CHIC2: variants seen among roughly 807,000 people sequenced by gnomAD.
CHIC2 encodes cysteine rich hydrophobic domain 2, also known as cysteine-rich hydrophobic domain-containing protein 2.
CHIC2 carries 14 observed loss-of-function variants against 25.9 expected under a neutral mutation model. The observed-to-expected ratio is 0.54, with a 90% CI of 0.36 to 0.85. The LOEUF is 0.85. Ranked by LOEUF, CHIC2 falls within the 40% of genes least tolerant of loss-of-function variation. The probability of loss-of-function intolerance (pLI) is 0.01; values close to 1 mark genes in which losing one functional copy is unlikely to be tolerated. For synonymous variants in CHIC2, 70 were observed against 72.0 expected (o/e 0.97, Z 0.14); for missense variants, 146 against 202.0 (o/e 0.72, Z 1.68).
At chr4:54,037,219 C>T (rs548156804) in intron 3 of CHIC2, among the ~76,000 whole-genome samples, 98 of 151,908 alleles carry the variant, frequency 6.5e-4, no homozygotes, top group African/African-American at 2.2e-3. Context: ...AGTGGTGATG[C>T]GCACCTGTGG....
intron 3 of CHIC2, among the ~76,000 whole-genome samples, chr4:54,048,304 T>A (rs1265101202): frequency 6.6e-6 from 1 of 152,190 alleles, no homozygotes; most frequent in African/African-American, 2.4e-5. Flanking sequence ...TTTTTTATTA[T>A]AAGCAGTCAA....
At chr4:54,010,171 T>G (rs546604339) in intron 5 of CHIC2, 26 bp from the exon 6 acceptor site, 36 of 1,528,334 alleles carry the variant, frequency 2.4e-5, no homozygotes, top group Non-Finnish European at 3.2e-5. Flanking sequence ...AAAAAGGTTT[T>G]AAAAGATTTA....
At chr4:54,073,308 C>T in the CHIC2 span, among the ~76,000 whole-genome samples, 1 of 152,188 alleles carries the variant, frequency 6.6e-6, no homozygotes, top group South Asian at 2.1e-4. Flanking sequence ...CTGAGAGACT[C>T]ATCAACTTGT....
At chr4:54,053,161 AT>A (rs1345552566) in intron 1 of CHIC2, among the ~76,000 whole-genome samples, 2 of 152,220 alleles carry the variant, frequency 1.3e-5, no homozygotes, top group Non-Finnish European at 2.9e-5. Context: ...GAAGAAGAAA[AT>A]TCAATATACC....
Position 54,064,565 on chromosome 4 carries a change from A to ACGCCGCTGCCGC in CHIC2, c.-277_-266dup. The ACGCCGCTGCCGC allele has an allele frequency of 2.4e-6, 3 of 1,276,130 alleles. No homozygotes were observed. The highest frequency in any genetic ancestry group is 2.0e-6 in the Non-Finnish European group (2 of 1,011,710). The allele number at this position is 1,276,130 out of a possible 1,614,324, so 79.1% of individuals were successfully genotyped here. On this transcript the variant is annotated 5_prime_UTR_variant, in exon 1 of 6. Coordinates refer to ENST00000263921, the MANE Select transcript of CHIC2 (RefSeq NM_012110.4). This position sits in a 1 kb window ranked among gnomAD's most constrained non-coding sequence, Gnocchi z 4.2. The stretch of plus-strand genomic sequence containing the variant: ...GAGGCCGACACCTCCACAAGCACAG[A>ACGCCGCTGCCGC]CGCCGCTGCCGCCGCCGCAGCAGCA...
In CHIC2 at chr4:54,064,099, A is replaced by G; in HGVS notation, c.119+83T>C. On this transcript the variant is annotated intron_variant, in intron 1 of 5. Transcript: ENST00000263921. The surrounding 1 kb of genome is among the most constrained non-coding windows in gnomAD (Gnocchi z 4.2). Reference sequence around the variant, plus strand: ...TCGGAAGGCCCCCGACACCAGACGGACACAGGGGAAACGGGGCTCCCGTGG... The same window carrying G: ...TCGGAAGGCCCCCGACACCAGACGGGCACAGGGGAAACGGGGCTCCCGTGG... The G allele has an allele frequency of 8.7e-7, 1 of 1,150,834 alleles. No homozygotes were observed. Among genetic ancestry groups the G allele is most frequent in the Non-Finnish European group, 1.2e-6 (1 of 806,922 alleles). The allele number at this position is 1,150,834 out of a possible 1,614,324, so 71.3% of individuals were successfully genotyped here. A position where few individuals can be genotyped will look rare whatever the true frequency, so the allele number is the denominator to read the frequency against.
chr4:54,013,746 T>G, intron 5 of CHIC2, 91 bp downstream of exon 5: 1 of 1,335,790 alleles, frequency 7.5e-7, no homozygotes, highest in East Asian at 2.3e-5. Flanking sequence ...CCTGACACCT[T>G]TGCTGATTAA....
At chr4:54,010,493 G>A (rs1440896997) in intron 5 of CHIC2, among the ~76,000 whole-genome samples, 1 of 152,080 alleles carries the variant, frequency 6.6e-6, no homozygotes, top group Non-Finnish European at 1.5e-5. Context: ...CATGAGAAAA[G>A]AGGCTAGTAT....
At chr4:54,067,207 G>C (rs908638091), upstream of CHIC2, among the ~76,000 whole-genome samples, 1 of 152,168 alleles carries the variant, frequency 6.6e-6, no homozygotes, top group Non-Finnish European at 1.5e-5. Context: ...ATTCAACAGA[G>C]AGATCTTTGT....
In CHIC2 at chr4:54,016,939, T is replaced by C. The variant is rs1715757065; in HGVS notation, c.331-2820A>G. Among the ~76,000 whole-genome samples, 5 of 151,954 alleles carry C rather than the reference T, an allele frequency of 3.3e-5. 1 individual carries two copies. In the South Asian group the frequency reaches 1.0e-3, roughly 31 times the overall value. On this transcript the variant is annotated intron_variant, in intron 3 of 5. Coordinates refer to ENST00000263921, the MANE Select transcript of CHIC2 (RefSeq NM_012110.4). ...AAAAAAGGTTGAGCTACTGAGAATG[T>C]TTAATACTATGCAATTATTGTTAGT...
At chr4:54,046,539 G>A (rs557458511) in intron 3 of CHIC2, among the ~76,000 whole-genome samples, 1 of 152,264 alleles carries the variant, frequency 6.6e-6, no homozygotes, top group South Asian at 2.1e-4. Flanking sequence ...ACAAAAACAA[G>A]AAATGGGGAA....
intron 3 of CHIC2, among the ~76,000 whole-genome samples, chr4:54,038,656 A>G (rs1716467542): frequency 6.6e-6 from 1 of 152,200 alleles, no homozygotes; most frequent in African/African-American, 2.4e-5. Context: ...AGAAATTAGA[A>G]CAGCCAAAAC....
chr4:54,045,948 A>G (rs1716771662), intron 3 of CHIC2, among the ~76,000 whole-genome samples: 1 of 152,228 alleles, frequency 6.6e-6, no homozygotes, highest in African/African-American at 2.4e-5. Flanking sequence ...CAACTTCAGC[A>G]AAGTCTCAGG....
intron 3 of CHIC2, among the ~76,000 whole-genome samples, chr4:54,029,462 T>C (rs1021391730): frequency 2.0e-5 from 3 of 152,182 alleles, no homozygotes; most frequent in Non-Finnish European, 2.9e-5. Context: ...GCAAATTGAA[T>C]AGCATTCTAA....
At position 54,009,970 on chromosome 4, in the gene CHIC2, AC is replaced by A; in HGVS notation, c.*124del. On this transcript the variant is annotated 3_prime_UTR_variant, in exon 6 of 6. Transcript: ENST00000263921. Reference sequence around the variant, plus strand: ...GCGGTTATTTAAAAAAAAAACAAAAACAAAAACAAAAAAAACACCACACGAT... The same window carrying A: ...GCGGTTATTTAAAAAAAAAACAAAAAAAAAACAAAAAAAACACCACACGAT... The A allele has an allele frequency of 7.6e-5, 44 of 579,182 alleles. No individual in the cohort carries two copies. Among genetic ancestry groups the A allele is most frequent in the South Asian group, 3.9e-4 (13 of 33,306 alleles). The allele number at this position is 579,182 out of a possible 1,614,324, so 35.9% of individuals were successfully genotyped here.
intron 3 of CHIC2, among the ~76,000 whole-genome samples, chr4:54,020,244 G>A (rs374758383): frequency 3.9e-5 from 6 of 152,098 alleles, no homozygotes; most frequent in African/African-American, 1.2e-4. Context: ...ACTGATCAAC[G>A]TGCTTTGTAA....
intron 5 of CHIC2, among the ~76,000 whole-genome samples, chr4:54,011,824 A>AAT (rs148063886): frequency 1.7e-4 from 25 of 150,244 alleles, no homozygotes; most frequent in East Asian, 5.8e-4. Context: ...GCCAAGGTGG[A>AAT]ATATATATAT....
At chr4:54,058,070 T>A (rs1039311606) in intron 1 of CHIC2, among the ~76,000 whole-genome samples, 11 of 152,222 alleles carry the variant, frequency 7.2e-5, no homozygotes, top group African/African-American at 2.7e-4. Context: ...CCGCTTTTGA[T>A]TAAATGATTC....
chr4:54,084,299 C>A, the CHIC2 span, among the ~76,000 whole-genome samples: 1 of 152,194 alleles, frequency 6.6e-6, no homozygotes, highest in African/African-American at 2.4e-5. Flanking sequence ...AGAAGTTCCT[C>A]TAACAATATG....
Sources: allele counts gnomAD v4.1 joint callset (sites outside exome capture counted in the v4.1 genomes callset), GRCh38; gene constraint gnomAD v4.1.1; non-coding constraint Gnocchi (gnomAD v3.1); transcripts MANE v1.5; gene names NCBI Gene and HGNC (gene_info 2026-07-23, HGNC 2026-07-21).